The following PCNX2 variants were observed in gnomAD, a reference collection of about 807,000 sequenced individuals.
The protein encoded by PCNX2 is pecanex 2.
PCNX2 carries 168 observed loss-of-function variants against 223.8 expected under a neutral mutation model. The ratio of observed to expected loss-of-function variants is 0.75; its 90% CI spans 0.66 to 0.85. PCNX2 has a LOEUF of 0.85. Ranked by LOEUF, PCNX2 falls within the 40% of genes least tolerant of loss-of-function variation. The pLI is 0.00. For missense variants in PCNX2, 2,507 were observed against 2,675.5 expected (o/e 0.94, Z 1.39); for synonymous variants, 1,006 against 1,052.6 (o/e 0.96, Z 0.86).
At chr1:233,089,447 T>G (rs1673761696) in intron 23 of PCNX2, among the ~76,000 whole-genome samples, 1 of 152,220 alleles carries the variant, frequency 6.6e-6, no homozygotes, top group African/African-American at 2.4e-5. Context: ...TTACGGTTAT[T>G]TGGTGAACCA....
intron 23 of PCNX2, among the ~76,000 whole-genome samples, chr1:233,070,063 T>C (rs1672784936): frequency 1.3e-5 from 2 of 152,148 alleles, no homozygotes; most frequent in Non-Finnish European, 1.5e-5. Context: ...AAAAAGATAA[T>C]AGGGAATATT....
intron 1 of PCNX2, among the ~76,000 whole-genome samples, chr1:233,278,001 A>G (rs1184437030): frequency 6.6e-6 from 1 of 152,250 alleles, no homozygotes; most frequent in Non-Finnish European, 1.5e-5. Context: ...TTGATTAATT[A>G]GTAAAGGGTT....
chr1:233,009,080 A>C (rs140528241), intron 28 of PCNX2, among the ~76,000 whole-genome samples: 15 of 152,308 alleles, frequency 9.8e-5, no homozygotes, highest in Admixed American at 2.0e-4. Flanking sequence ...GCATGACTCT[A>C]TGGTGAGACT....
rs1193472219 is a variant in PCNX2, at chr1:233,097,907, A to T, written c.3838-2044T>A. Among the ~76,000 whole-genome samples the T allele has an allele frequency of 2.0e-5, 3 of 152,148 alleles. No homozygotes were observed. In the East Asian group the frequency reaches 5.8e-4, roughly 29 times the overall value. Reference sequence around the variant, plus strand: ...CATCAAGTGCCCAAGAGAAGACATGACTTCTGGGTTACCAACCAGGGCAAA... The same window carrying T: ...CATCAAGTGCCCAAGAGAAGACATGTCTTCTGGGTTACCAACCAGGGCAAA... On this transcript the variant is annotated intron_variant, in intron 21 of 33. Transcript: ENST00000258229.
intron 23 of PCNX2, among the ~76,000 whole-genome samples, chr1:233,072,089 A>G (rs1672883505): frequency 6.6e-6 from 1 of 152,144 alleles, no homozygotes; most frequent in South Asian, 2.1e-4. Flanking sequence ...TCCATTCTGT[A>G]GGTTGTCTGT....
intron 26 of PCNX2, among the ~76,000 whole-genome samples, chr1:233,021,789 G>C (rs1670898583): frequency 6.6e-6 from 1 of 152,200 alleles, no homozygotes; most frequent in Non-Finnish European, 1.5e-5. Flanking sequence ...TTCTGGGGGA[G>C]CCTTCCTGAG....
intron 17 of PCNX2, among the ~76,000 whole-genome samples, chr1:233,162,218 T>C (rs576287314): frequency 2.0e-4 from 30 of 152,234 alleles, no homozygotes; most frequent in African/African-American, 7.2e-4. Context: ...ACAATATTGC[T>C]GGCTGAACAA....
chr1:233,055,455 A>G (rs1672158898), intron 24 of PCNX2, among the ~76,000 whole-genome samples: 1 of 152,128 alleles, frequency 6.6e-6, no homozygotes, highest in Non-Finnish European at 1.5e-5. Flanking sequence ...AGGAGTGCGT[A>G]GTGCATTTCC....
intron 25 of PCNX2, among the ~76,000 whole-genome samples, chr1:233,028,826 A>G (rs1428039894): frequency 1.4e-5 from 2 of 144,044 alleles, no homozygotes; most frequent in Non-Finnish European, 3.0e-5. Context: ...TTAAATTTGT[A>G]TTCTTTCCAG....
intron 1 of PCNX2, among the ~76,000 whole-genome samples, chr1:233,290,282 T>G (rs1045080065): frequency 2.0e-5 from 3 of 152,210 alleles, no homozygotes; most frequent in African/African-American, 7.2e-5. Flanking sequence ...TAATTTATTA[T>G]GCAAGGTGAA....
At chr1:233,323,021 G>A in the PCNX2 span, among the ~76,000 whole-genome samples, 1 of 152,110 alleles carries the variant, frequency 6.6e-6, no homozygotes, top group Non-Finnish European at 1.5e-5. Flanking sequence ...AGTTGCCCAA[G>A]CTCAAAGCCT....
At chr1:233,135,339 AT>A (rs1273198178) in intron 20 of PCNX2, 149 bp from the exon 21 acceptor site, 3 of 709,448 alleles carry the variant, frequency 4.2e-6, no homozygotes, top group Non-Finnish European at 6.9e-6. Context: ...TATTGTCTGC[AT>A]TTTACAGGGG....
chr1:233,197,697 G>T (rs79681114), intron 15 of PCNX2, among the ~76,000 whole-genome samples: 13,548 of 151,982 alleles, frequency 0.089, 1,461 homozygotes, highest in African/African-American at 0.26. Flanking sequence ...ATTACTCCAT[G>T]GATTACTGTG....
intron 25 of PCNX2, among the ~76,000 whole-genome samples, chr1:233,034,865 A>C (rs1671397759): frequency 6.6e-6 from 1 of 152,192 alleles, no homozygotes; most frequent in South Asian, 2.1e-4. Context: ...CAAACGGGAA[A>C]CATTTGAACC....
intron 22 of PCNX2, chr1:233,095,531 A>C (rs1291486533): frequency 3.6e-6 from 2 of 548,800 alleles, no homozygotes; most frequent in Non-Finnish European, 6.5e-6. Context: ...AGAAAAAATA[A>C]AAGTAACTCC....
Position 233,236,930 on chromosome 1 carries a change from G to A in PCNX2, c.2273C>T (p.Pro758Leu), listed in dbSNP as rs201814638. Reference protein sequence around the residue: ...SSTTTSESQDPSSGDPAVSAL... With the variant: ...SSTTTSESQDLSSGDPAVSAL... ...ACTGACGGCAGGGTCCCCAGAAGAC[G>A]GATCTTGACTCTCAGAAGTTGTGGT... is the stretch of plus-strand genomic sequence containing the variant. The change falls in exon 9 of 34, where the codon CCG (proline) becomes CTG (leucine). Residue 758 changes from proline to leucine, a missense_variant. By Grantham distance (98) the Pro-to-Leu change is moderately conservative. Transcript: ENST00000258229. The A allele has an allele frequency of 4.5e-4, 728 of 1,613,958 alleles. No homozygotes were observed. Among genetic ancestry groups the A allele is most frequent in the Non-Finnish European group, 4.8e-4 (570 of 1,179,872 alleles).
chr1:233,217,855 A>G, intron 12 of PCNX2, 44 bp downstream of exon 12: 1 of 1,612,554 alleles, frequency 6.2e-7, no homozygotes, highest in Non-Finnish European at 8.5e-7. Flanking sequence ...TGTCTTCAAC[A>G]CAGACAGACA....
At chr1:233,084,174 G>T (rs970031491) in intron 23 of PCNX2, among the ~76,000 whole-genome samples, 1 of 152,164 alleles carries the variant, frequency 6.6e-6, no homozygotes, top group South Asian at 2.1e-4. Context: ...CTAACCGAGC[G>T]TATGTGCTGG....
chr1:233,076,469 G>C (rs1483765991), intron 23 of PCNX2, among the ~76,000 whole-genome samples: 1 of 152,126 alleles, frequency 6.6e-6, no homozygotes, highest in Non-Finnish European at 1.5e-5. Flanking sequence ...CTCGGGAGAG[G>C]CAGCAACTTG....
Sources: gnomAD v4.1 joint callset for allele counts (sites outside exome capture counted in the v4.1 genomes callset) on GRCh38, gnomAD v4.1.1 for gene constraint, MANE v1.5 for transcripts, NCBI Gene and HGNC (gene_info 2026-07-23, HGNC 2026-07-21) for gene names.